VSTM4: variants seen among roughly 807,000 people sequenced by gnomAD.
VSTM4 encodes V-set and transmembrane domain containing 4.
A neutral mutation model predicts 36.4 loss-of-function variants in VSTM4; 20 were observed. The observed-to-expected ratio is 0.55, with a 90% CI of 0.39 to 0.80. The LOEUF (loss-of-function observed/expected upper bound fraction) is 0.80. VSTM4 is among the 30% of genes least tolerant of loss of function. The pLI is 0.00. For synonymous variants in VSTM4, 182 were observed against 173.9 expected (o/e 1.05, Z -0.37); for missense variants, 392 against 404.5 (o/e 0.97, Z 0.26).
intron 2 of VSTM4, among the ~76,000 whole-genome samples, chr10:49,090,225 C>A (rs756070145): frequency 1.8e-4 from 28 of 152,320 alleles, no homozygotes; most frequent in Non-Finnish European, 3.8e-4. Context: ...AAGGCTGGAG[C>A]CTTAAGCAAG....
chr10:49,064,399 C>A, intron 5 of VSTM4: 1 of 376,146 alleles, frequency 2.7e-6, no homozygotes, highest in Non-Finnish European at 4.8e-6. Flanking sequence ...CAAAGTGGTT[C>A]AGAGCAAGTG....
intron 3 of VSTM4, among the ~76,000 whole-genome samples, chr10:49,082,107 T>C (rs1389707394): frequency 6.6e-6 from 1 of 152,198 alleles, no homozygotes; most frequent in African/African-American, 2.4e-5. Flanking sequence ...CACCTTCCTG[T>C]CATGTCAGCT....
At position 49,017,119 on chromosome 10, in the gene VSTM4, GAT is replaced by G. The variant is rs1843115492; in HGVS notation, c.*2529_*2530del. 6.6e-6 allele frequency: 1 copy of G among 152,228 alleles called. No homozygotes were observed. The highest frequency in any genetic ancestry group is 2.4e-5 in the African/African-American group (1 of 41,458). The allele number at this position is 152,228 out of a possible 1,614,324, so 9.4% of individuals were successfully genotyped here. A position where few individuals can be genotyped will look rare whatever the true frequency, so the allele number is the denominator to read the frequency against. ...CCTAATTTCTATTTCAATGATATGT[GAT>G]ATGTTTCCCCTTATCTTTGGAAATG... On this transcript the variant is annotated 3_prime_UTR_variant, in exon 8 of 8. Transcript: ENST00000332853.
intron 6 of VSTM4, among the ~76,000 whole-genome samples, chr10:49,048,081 A>C (rs1843641460): frequency 1.3e-5 from 2 of 152,194 alleles, no homozygotes; most frequent in Non-Finnish European, 2.9e-5. Flanking sequence ...TGACATCTTT[A>C]AAAATTCAGA....
intron 5 of VSTM4, among the ~76,000 whole-genome samples, chr10:49,061,644 T>C (rs1843879729): frequency 6.6e-6 from 1 of 152,210 alleles, no homozygotes; most frequent in African/African-American, 2.4e-5. Flanking sequence ...TCTTCGCCTC[T>C]AGTAAGGTTT....
intron 2 of VSTM4, among the ~76,000 whole-genome samples, chr10:49,106,696 A>G (rs113204007): frequency 0.17 from 26,076 of 151,860 alleles, 2,445 homozygotes; most frequent in Non-Finnish European, 0.22. Context: ...GGTGCCCGGC[A>G]CCCCCCAGCC....
At chr10:49,035,671 A>G (rs934301145) in intron 7 of VSTM4, among the ~76,000 whole-genome samples, 1 of 148,542 alleles carries the variant, frequency 6.7e-6, no homozygotes, top group African/African-American at 2.5e-5. Flanking sequence ...CAGCTCCACA[A>G]AAAAAAAAAA....
intron 3 of VSTM4, among the ~76,000 whole-genome samples, chr10:49,083,704 C>A (rs1669182802): frequency 6.6e-6 from 1 of 152,206 alleles, no homozygotes; most frequent in Admixed American, 6.5e-5. Context: ...TATAGCTGCA[C>A]ATGAATTATG....
intron 4 of VSTM4, among the ~76,000 whole-genome samples, chr10:49,071,250 A>AGTTTTTAATC: frequency 6.6e-6 from 1 of 152,362 alleles, no homozygotes; most frequent in African/African-American, 2.4e-5. Context: ...AAAAGCTCAG[A>AGTTTTTAATC]CACAGAAGGT....
At chr10:49,028,371 A>C (rs1180756468) in intron 7 of VSTM4, among the ~76,000 whole-genome samples, 1 of 152,152 alleles carries the variant, frequency 6.6e-6, no homozygotes, top group African/African-American at 2.4e-5. Flanking sequence ...TTCTGCCAAC[A>C]ATGAGGTACT....
chr10:49,040,947 C>T (rs1843512040), intron 7 of VSTM4, among the ~76,000 whole-genome samples: 1 of 152,100 alleles, frequency 6.6e-6, no homozygotes, highest in Admixed American at 6.5e-5. Flanking sequence ...GAGATTGGGG[C>T]AACATGGAAC....
At chr10:49,099,414 A>G (rs928568221) in intron 2 of VSTM4, among the ~76,000 whole-genome samples, 2 of 152,156 alleles carry the variant, frequency 1.3e-5, no homozygotes, top group African/African-American at 4.8e-5. Flanking sequence ...AATCATTTTT[A>G]TCATGTGTGA....
intron 5 of VSTM4, among the ~76,000 whole-genome samples, chr10:49,051,954 AT>A (rs34324594): frequency 2.1e-5 from 1 of 48,738 alleles, no homozygotes; most frequent in Non-Finnish European, 9.7e-5. Flanking sequence ...AATTTTTCAT[AT>A]TTATATTCTC....
At chr10:49,101,983 GTGTGTT>G (rs541740030) in intron 2 of VSTM4, among the ~76,000 whole-genome samples, 26,483 of 151,528 alleles carry the variant, frequency 0.17, 2,442 homozygotes, top group Non-Finnish European at 0.21. Flanking sequence ...GTGTGTGTGT[GTGTGTT>G]TGTGTGTGTG....
intron 5 of VSTM4, 34 bp downstream of exon 5, chr10:49,064,669 G>A (rs749277319): frequency 3.1e-6 from 5 of 1,596,918 alleles, no homozygotes; most frequent in Non-Finnish European, 4.3e-6. Context: ...ATGGCAAAGA[G>A]TTTCATCTGA....
In VSTM4 at chr10:49,017,067, A is replaced by G. The variant is rs1843114860; in HGVS notation, c.*2583T>C. The G allele has an allele frequency of 6.6e-6, 1 of 152,228 alleles. No homozygotes were observed. Among genetic ancestry groups the G allele is most frequent in the Admixed American group, 6.5e-5 (1 of 15,288 alleles). 9.4% of individuals were successfully genotyped at this position (152,228 alleles called of 1,614,324 possible). A position where few individuals can be genotyped will look rare whatever the true frequency, so the allele number is the denominator to read the frequency against. ...ATGTAGTTTCTGCCATTGATGCCTT[A>G]TAGTGAAAACAAATTGACAAACTTT... On this transcript the variant is annotated 3_prime_UTR_variant, in exon 8 of 8. Transcript: ENST00000332853.
At position 49,053,910 on chromosome 10, in the gene VSTM4, G is replaced by A. The variant is rs75611687; in HGVS notation, c.669-5326C>T. ...ATGGGCAGCCACTCCAGAACACCAG[G>A]CAAAGCAGCCAACCTAGATTTTGCA... On this transcript the variant is annotated intron_variant, in intron 5 of 7. Coordinates refer to ENST00000332853, the MANE Select transcript of VSTM4 (RefSeq NM_001031746.5). 5.5e-3 allele frequency among the ~76,000 whole-genome samples: 833 copies of A among 152,306 alleles called. 16 individuals carry two copies. In the East Asian group the frequency reaches 0.062, roughly 11 times the overall value.
chr10:49,024,352 G>C (rs1843225077), intron 7 of VSTM4, among the ~76,000 whole-genome samples: 1 of 152,202 alleles, frequency 6.6e-6, no homozygotes, highest in African/African-American at 2.4e-5. Flanking sequence ...AGGATTCTAT[G>C]AGCAAGGGGG....
rs552072207 is a variant in VSTM4, at chr10:49,054,927, T to A, written c.669-6343A>T. ...AGCCATCTCAAAGATGCTGGGTGCT[T>A]CCTCTGGCCCAGGGCGATCTTTGCA... On this transcript the variant is annotated intron_variant, in intron 5 of 7. Coordinates refer to ENST00000332853, the MANE Select transcript of VSTM4 (RefSeq NM_001031746.5). Among the ~76,000 whole-genome samples the A allele has an allele frequency of 2.3e-5, 3 of 129,364 alleles. No individual in the cohort carries two copies. In the East Asian group the frequency reaches 6.2e-4, roughly 27 times the overall value. 84.9% of individuals were successfully genotyped at this position (129,364 alleles called of 152,430 possible). A position where few individuals can be genotyped will look rare whatever the true frequency, so the allele number is the denominator to read the frequency against.
Sources: gnomAD v4.1 joint callset for allele counts (sites outside exome capture counted in the v4.1 genomes callset) on GRCh38, gnomAD v4.1.1 for gene constraint, MANE v1.5 for transcripts, NCBI Gene and HGNC (gene_info 2026-07-23, HGNC 2026-07-21) for gene names.